The following ZNF407 variants were observed in gnomAD, a reference collection of about 807,000 sequenced individuals.
The protein encoded by ZNF407 is zinc finger protein 407.
ZNF407 carries 17 observed loss-of-function variants against 131.2 expected under a neutral mutation model. The ratio of observed to expected loss-of-function variants is 0.13; its 90% CI spans 0.09 to 0.19. ZNF407 has a LOEUF of 0.19. ZNF407 is among the 10% of genes least tolerant of loss of function. ZNF407 has a pLI of 1.00. For missense variants in ZNF407, 2,681 were observed against 2,830.6 expected, an observed-to-expected ratio of 0.95 and a Z score of 1.20; for synonymous variants, 1,156 against 1,062.0, an observed-to-expected ratio of 1.09 and a Z score of -1.72.
chr18:74,941,832 A>G (rs1972102841), intron 8 of ZNF407, among the ~76,000 whole-genome samples: 2 of 152,176 alleles, frequency 1.3e-5, no homozygotes, highest in African/African-American at 4.8e-5. Context: ...TTCGTTGAGG[A>G]TTGTTTTATT....
chr18:74,862,617 G>C (rs755099261), intron 4 of ZNF407, among the ~76,000 whole-genome samples: 18 of 152,050 alleles, frequency 1.2e-4, no homozygotes, highest in Non-Finnish European at 1.8e-4. Flanking sequence ...CATGATAGTG[G>C]GTCCACATAA....
At chr18:75,044,182 T>C (rs900104360) in intron 8 of ZNF407, among the ~76,000 whole-genome samples, 1 of 152,154 alleles carries the variant, frequency 6.6e-6, no homozygotes. Context: ...ACAGAACTGA[T>C]ATTAGATCCA....
intron 7 of ZNF407, chr18:74,898,101 T>C (rs1197769222): frequency 6.6e-6 from 1 of 152,138 alleles, no homozygotes; most frequent in African/African-American, 2.4e-5. Flanking sequence ...CTTTGAACAT[T>C]TGGAAAATGG....
intron 8 of ZNF407, among the ~76,000 whole-genome samples, chr18:75,039,397 T>C (rs1973346229): frequency 6.6e-6 from 1 of 152,132 alleles, no homozygotes; most frequent in South Asian, 2.1e-4. Context: ...AAAGGAAGAC[T>C]GCTAGAATCA....
intron 3 of ZNF407, among the ~76,000 whole-genome samples, chr18:74,663,400 G>A (rs887889495): frequency 6.6e-6 from 1 of 152,140 alleles, no homozygotes; most frequent in African/African-American, 2.4e-5. Flanking sequence ...AGAAACCTGG[G>A]AGGGATATAT....
At chr18:75,020,154 C>A (rs886882641) in intron 8 of ZNF407, among the ~76,000 whole-genome samples, 4 of 152,060 alleles carry the variant, frequency 2.6e-5, no homozygotes, top group Non-Finnish European at 5.9e-5. Context: ...AATAATTGTT[C>A]TATTTTATTA....
chr18:75,018,681 A>G (rs573195473), intron 8 of ZNF407, among the ~76,000 whole-genome samples: 3 of 152,260 alleles, frequency 2.0e-5, no homozygotes, highest in East Asian at 1.9e-4. Context: ...AAATTTTAAT[A>G]TAACAGCTAA....
chr18:74,744,981 C>T (rs1223230221), intron 3 of ZNF407, among the ~76,000 whole-genome samples: 4 of 151,726 alleles, frequency 2.6e-5, no homozygotes, highest in South Asian at 4.2e-4. Flanking sequence ...TCTGTAAAAT[C>T]GAGTAGGGAA....
intron 4 of ZNF407, chr18:74,804,381 T>C: frequency 9.7e-7 from 1 of 1,028,484 alleles, no homozygotes; most frequent in Non-Finnish European, 1.2e-6. Flanking sequence ...GCATGCCATG[T>C]GACAAATGCC....
chr18:74,860,307 C>CGAA (rs142538676), intron 4 of ZNF407, among the ~76,000 whole-genome samples: 2,681 of 150,598 alleles, frequency 0.018, 26 homozygotes, highest in South Asian at 0.05. Context: ...TTAAAAAAAA[C>CGAA]GAAGAAGAAG....
intron 8 of ZNF407, among the ~76,000 whole-genome samples, chr18:74,922,438 G>A (rs1971858713): frequency 6.6e-6 from 1 of 152,036 alleles, no homozygotes; most frequent in South Asian, 2.1e-4. Flanking sequence ...GTTCCCTAAA[G>A]TACAGTGAGT....
At chr18:74,910,875 T>C (rs563572634) in intron 7 of ZNF407, among the ~76,000 whole-genome samples, 5 of 151,696 alleles carry the variant, frequency 3.3e-5, no homozygotes, top group Admixed American at 3.3e-4. Flanking sequence ...GCCGCAACAC[T>C]GCAGGTGTTC....
At chr18:74,741,558 G>A (rs1465824343) in intron 3 of ZNF407, among the ~76,000 whole-genome samples, 3 of 152,086 alleles carry the variant, frequency 2.0e-5, no homozygotes, top group Non-Finnish European at 4.4e-5. Context: ...TCTATGTTAA[G>A]TTTAGAGCCA....
intron 3 of ZNF407, among the ~76,000 whole-genome samples, chr18:74,681,073 G>C (rs1966971729): frequency 1.3e-5 from 2 of 152,114 alleles, no homozygotes; most frequent in South Asian, 4.1e-4. Flanking sequence ...TACCAGGCAG[G>C]TGCTGTTAGA....
chr18:74,684,790 A>G (rs1461630525), intron 3 of ZNF407, among the ~76,000 whole-genome samples: 1 of 152,216 alleles, frequency 6.6e-6, no homozygotes, highest in East Asian at 1.9e-4. Context: ...TTAGTTATCT[A>G]GTAATTTTCC....
In ZNF407 at chr18:75,063,438, C is replaced by A; in HGVS notation, c.5717C>A (p.Thr1906Lys). 6.2e-7 allele frequency: 1 copy of A among 1,608,894 alleles called. No homozygotes were observed. The highest frequency in any genetic ancestry group is 2.2e-5 in the East Asian group (1 of 44,632). ...CAGGTGGCCCGGGTGGTGCATATCA[C>A]GGAGGATGGCCAGGTCATCGCCACG... Reference protein sequence around the residue: ...AGQVARVVHITEDGQVIATSQ... With the variant: ...AGQVARVVHIKEDGQVIATSQ... Residue 1906 changes from threonine to lysine, a missense_variant, in exon 9 of 9, where the codon ACG (threonine) becomes AAG (lysine). By Grantham distance (78) the Thr-to-Lys change is moderately conservative. Around this residue, in one of 6 missense-constraint regions of ZNF407, gnomAD observed 620 missense variants for 583.1 expected, o/e 1.06. Transcript: ENST00000299687. This position sits in a 1 kb window ranked among gnomAD's most constrained non-coding sequence, Gnocchi z 6.6.
At chr18:74,784,121 A>C (rs1028837062) in intron 4 of ZNF407, among the ~76,000 whole-genome samples, 1 of 152,198 alleles carries the variant, frequency 6.6e-6, no homozygotes, top group Non-Finnish European at 1.5e-5. Flanking sequence ...TCTGGGCACA[A>C]CTGTTCTCTA....
chr18:74,956,699 T>TGGAA (rs1472478972), intron 8 of ZNF407, among the ~76,000 whole-genome samples: 1 of 152,108 alleles, frequency 6.6e-6, no homozygotes, highest in Non-Finnish European at 1.5e-5. Flanking sequence ...GAGCCGTGAC[T>TGGAA]GGAAGGAAGG....
At chr18:74,746,288 G>A (rs79819413) in intron 3 of ZNF407, among the ~76,000 whole-genome samples, 6 of 152,276 alleles carry the variant, frequency 3.9e-5, no homozygotes, top group East Asian at 3.9e-4. Flanking sequence ...GTGAGTAATC[G>A]TGGAGGCCTA....
Sources: gnomAD v4.1 joint callset for allele counts (sites outside exome capture counted in the v4.1 genomes callset) on GRCh38, gnomAD v4.1.1 for gene constraint, gnomAD v4.1.1 regional missense constraint, Gnocchi (gnomAD v3.1) non-coding constraint, MANE v1.5 for transcripts, NCBI Gene and HGNC (gene_info 2026-07-23, HGNC 2026-07-21) for gene names.